FA2H: variants seen among roughly 807,000 people sequenced by gnomAD.
FA2H encodes fatty acid alpha-hydroxylase.
FA2H carries 22 observed loss-of-function variants against 44.9 expected under a neutral mutation model. The observed-to-expected ratio is 0.49, with a 90% confidence interval of 0.35 to 0.70. The LOEUF is 0.70. Ranked by LOEUF, FA2H falls within the 30% of genes least tolerant of loss-of-function variation. The probability of loss-of-function intolerance (pLI) is 0.01; values close to 1 mark genes in which losing one functional copy is unlikely to be tolerated. For synonymous variants in FA2H, 243 were observed against 213.2 expected (o/e 1.14, Z -1.22); for missense variants, 501 against 504.9 (o/e 0.99, Z 0.07).
At chr16:74,761,938 A>G (rs922209608) in intron 1 of FA2H, among the ~76,000 whole-genome samples, 1 of 152,240 alleles carries the variant, frequency 6.6e-6, no homozygotes, top group Non-Finnish European at 1.5e-5. Flanking sequence ...CTGTTAAAGG[A>G]TGAAGAGAGA....
intron 1 of FA2H, among the ~76,000 whole-genome samples, chr16:74,764,807 T>C (rs909154366): frequency 6.6e-6 from 1 of 151,626 alleles, no homozygotes; most frequent in African/African-American, 2.4e-5. Context: ...GAATTTTGCA[T>C]GAAAAGACAC....
intron 1 of FA2H, among the ~76,000 whole-genome samples, chr16:74,760,337 A>G (rs114911114): frequency 1.6e-3 from 249 of 152,336 alleles, no homozygotes; most frequent in African/African-American, 5.8e-3. Flanking sequence ...TCATAAAGGA[A>G]GTATTCTCTA....
At chr16:74,719,567 A>ACTGGAGTG (rs1197827005) in intron 4 of FA2H, among the ~76,000 whole-genome samples, 12 of 151,952 alleles carry the variant, frequency 7.9e-5, no homozygotes, top group African/African-American at 2.7e-4. Flanking sequence ...AGGTTGGAAG[A>ACTGGAGTG]CTGGAGTGCT....
At chr16:74,741,808 A>ATATATATATATATGTGTGTGTG (rs1491185782) in intron 1 of FA2H, among the ~76,000 whole-genome samples, 4 of 48,418 alleles carry the variant, frequency 8.3e-5, no homozygotes, top group South Asian at 7.9e-4. Flanking sequence ...ATATATATAT[A>ATATATATATATATGTGTGTGTG]TGTGTGTGTG....
chr16:74,714,322 C>T (rs751801164), intron 6 of FA2H, 53 bp from the exon 7 acceptor site: 28 of 1,213,460 alleles, frequency 2.3e-5, no homozygotes, highest in East Asian at 7.6e-5. Context: ...AGCAGGCGTG[C>T]GCTGGCTTGG....
intron 1 of FA2H, among the ~76,000 whole-genome samples, chr16:74,760,886 C>T (rs1454243448): frequency 6.6e-6 from 1 of 152,150 alleles, no homozygotes; most frequent in Non-Finnish European, 1.5e-5. Flanking sequence ...ACCCATATTG[C>T]AGGATCTCTC....
intron 4 of FA2H, among the ~76,000 whole-genome samples, chr16:74,720,012 G>A (rs547968422): frequency 2.6e-5 from 4 of 151,850 alleles, no homozygotes; most frequent in Admixed American, 2.6e-4. Context: ...AGGTGGAGAG[G>A]AGAAGACTGG....
At chr16:74,758,513 A>T (rs1380208780) in intron 1 of FA2H, among the ~76,000 whole-genome samples, 1 of 152,126 alleles carries the variant, frequency 6.6e-6, no homozygotes, top group East Asian at 1.9e-4. Flanking sequence ...AATCTACTCT[A>T]ATTTTATTCA....
intron 4 of FA2H, among the ~76,000 whole-genome samples, chr16:74,724,923 C>A (rs955363320): frequency 3.3e-5 from 5 of 152,178 alleles, no homozygotes; most frequent in South Asian, 2.1e-4. Context: ...GGCGGAGGGA[C>A]CTGGGCCAAA....
At chr16:74,753,282 T>C (rs1962559525) in intron 1 of FA2H, among the ~76,000 whole-genome samples, 1 of 152,194 alleles carries the variant, frequency 6.6e-6, no homozygotes, top group African/African-American at 2.4e-5. Context: ...GACTCCCTCC[T>C]CTGTCTCAGA....
intron 1 of FA2H, among the ~76,000 whole-genome samples, chr16:74,765,135 C>T (rs1962785292): frequency 6.6e-6 from 1 of 150,852 alleles, no homozygotes; most frequent in South Asian, 2.1e-4. Context: ...TTTAACAAGA[C>T]ACAGAAAAGA....
chr16:74,720,620 A>G (rs751088846), intron 4 of FA2H, among the ~76,000 whole-genome samples: 1 of 152,180 alleles, frequency 6.6e-6, no homozygotes, highest in Non-Finnish European at 1.5e-5. Context: ...AATAAAATAT[A>G]TAATTCAGTG....
intron 5 of FA2H, among the ~76,000 whole-genome samples, chr16:74,718,029 A>C (rs2144604425): frequency 6.6e-6 from 1 of 152,198 alleles, no homozygotes; most frequent in Admixed American, 6.5e-5. Context: ...CTGGGCACCC[A>C]CCCTGATACT....
At chr16:74,766,665 A>G (rs1278627437) in intron 1 of FA2H, among the ~76,000 whole-genome samples, 1 of 152,186 alleles carries the variant, frequency 6.6e-6, no homozygotes, top group Non-Finnish European at 1.5e-5. Flanking sequence ...CTGAAGATCA[A>G]CAGGTGGTCC....
At position 74,773,103 on chromosome 16, in the gene FA2H, T is replaced by C. The variant is rs1046292232; in HGVS notation, c.270+1383A>G. Among the ~76,000 whole-genome samples the C allele has an allele frequency of 3.2e-4, 48 of 152,188 alleles. 1 individual carries two copies. The highest frequency in any genetic ancestry group is 2.9e-5 in the Non-Finnish European group (2 of 68,040). The stretch of plus-strand genomic sequence containing the variant: ...GTTGCCCAGGCTGGTCTTGAACTCC[T>C]GGGCTCGAGCGATCCTCTTACCTCG... On this transcript the variant is annotated intron_variant, in intron 1 of 6. Transcript: ENST00000219368.
Position 74,714,194 on chromosome 16 carries a change from T to C in FA2H, c.1115A>G (p.Gln372Arg), listed in dbSNP as rs1280586445. 1.3e-6 allele frequency: 2 copies of C among 1,559,472 alleles called. No homozygotes were observed. Among genetic ancestry groups the C allele is most frequent in the Non-Finnish European group, 1.7e-6 (2 of 1,150,716 alleles). Residue 372 changes from glutamine (Q) to arginine (R), a missense_variant, in exon 7 of 7, where the codon CAG (glutamine) becomes CGG (arginine). Transcript: ENST00000219368. ...GGACGGAGGGGGTGGGAGTTGTCAC[T>C]GCGTCTTCAGGTGGGGTTTCTCTGG... ...LTPEKPHLKTQ is the reference protein window; with the variant it reads ...LTPEKPHLKTR
intron 1 of FA2H, chr16:74,741,401 G>A (rs1037309823): frequency 2.6e-5 from 4 of 152,168 alleles, no homozygotes; most frequent in Admixed American, 6.5e-5. Context: ...AGTAAAAGTC[G>A]GCTTTTGTGG....
chr16:74,718,490 C>G (rs1961757533), intron 5 of FA2H, among the ~76,000 whole-genome samples: 1 of 152,116 alleles, frequency 6.6e-6, no homozygotes, highest in Non-Finnish European at 1.5e-5. Context: ...CTCTGGAATC[C>G]CCAGAATGGG....
chr16:74,714,014 G>T lies in FA2H; in HGVS notation c.*176C>A. The T allele has an allele frequency of 1.7e-6, 1 of 597,558 alleles. No individual in the cohort carries two copies. The highest frequency in any genetic ancestry group is 3.0e-6 in the Non-Finnish European group (1 of 333,454). The allele number at this position is 597,558 out of a possible 1,614,324, so 37.0% of individuals were successfully genotyped here. On this transcript the variant is annotated 3_prime_UTR_variant, in exon 7 of 7. Transcript: ENST00000219368. ...AAGTGGATGTGACCCTCCTACCAGG[G>T]GTCAGGAGGGCGGTCCTGCCTCAGG...
Sources: gnomAD v4.1 joint callset for allele counts (sites outside exome capture counted in the v4.1 genomes callset) on GRCh38, gnomAD v4.1.1 for gene constraint, MANE v1.5 for transcripts, NCBI Gene and HGNC (gene_info 2026-07-23, HGNC 2026-07-21) for gene names.